Variants in BRD1 observed in about 807,000 individuals in gnomAD.
BRD1 encodes bromodomain-containing protein 1.
Under a neutral mutation model 107.7 loss-of-function variants are expected in BRD1, and 24 were observed. That is an observed-to-expected ratio of 0.22 (90% CI 0.16 to 0.31). The LOEUF (loss-of-function observed/expected upper bound fraction) is 0.31. Among genes scored for constraint, BRD1 ranks in the 10% least tolerant of loss-of-function variants. The probability of loss-of-function intolerance (pLI) is 1.00; values close to 1 mark genes in which losing one functional copy is unlikely to be tolerated. For missense variants in BRD1, 1,279 were observed against 1,638.6 expected, an observed-to-expected ratio of 0.78 and a Z score of 3.79; for synonymous variants, 744 against 686.1, an observed-to-expected ratio of 1.08 and a Z score of -1.32.
intron 2 of BRD1, among the ~76,000 whole-genome samples, chr22:49,809,129 T>C (rs2059801619): frequency 6.9e-6 from 1 of 144,348 alleles, no homozygotes; most frequent in Non-Finnish European, 1.5e-5. Context: ...AGAGGAAAAA[T>C]AAAGAAAAAG....
intron 7 of BRD1, among the ~76,000 whole-genome samples, chr22:49,789,490 T>TCCCCCCCCCCCCCCC (rs377366419): frequency 7.2e-6 from 1 of 139,682 alleles, no homozygotes; most frequent in African/African-American, 2.6e-5. Context: ...CCTCCTAGCC[T>TCCCCCCCCCCCCCCC]CCCCCCCCCG....
intron 2 of BRD1, among the ~76,000 whole-genome samples, chr22:49,819,810 A>G (rs951432240): frequency 2.0e-5 from 3 of 152,128 alleles, no homozygotes; most frequent in Non-Finnish European, 4.4e-5. Context: ...TATCAAACTT[A>G]CAAAAAAACA....
chr22:49,800,647 C>T (rs751384413), intron 3 of BRD1, among the ~76,000 whole-genome samples: 3 of 152,330 alleles, frequency 2.0e-5, no homozygotes, highest in African/African-American at 4.8e-5. Flanking sequence ...CAAACGCCAT[C>T]GGCAGTGGCA....
At chr22:49,799,820 G>T (rs1409788855) in intron 3 of BRD1, among the ~76,000 whole-genome samples, 1 of 152,226 alleles carries the variant, frequency 6.6e-6, no homozygotes, top group Non-Finnish European at 1.5e-5. Context: ...TGACACAGAT[G>T]GTCGCAGGAG....
chr22:49,820,876 G>A (rs529776742), intron 2 of BRD1: 1 of 152,406 alleles, frequency 6.6e-6, no homozygotes, highest in African/African-American at 2.4e-5. Context: ...TCCTCCACTG[G>A]TGGCAAGGTG....
At chr22:49,814,247 G>A (rs576784662) in intron 2 of BRD1, among the ~76,000 whole-genome samples, 2 of 152,358 alleles carry the variant, frequency 1.3e-5, no homozygotes, top group Admixed American at 1.3e-4. Context: ...ACGGGCACAA[G>A]CCCCCGACAA....
chr22:49,820,804 T>G (rs2060051160), intron 2 of BRD1: 2 of 152,130 alleles, frequency 1.3e-5, no homozygotes, highest in African/African-American at 4.8e-5. Flanking sequence ...AGCCTGCCCC[T>G]CACAACCACC....
At chr22:49,795,985 A>G (rs1439941026) in intron 6 of BRD1, among the ~76,000 whole-genome samples, 2 of 152,268 alleles carry the variant, frequency 1.3e-5, no homozygotes. Flanking sequence ...AAGAGCCAGC[A>G]GCACTGTTTG....
Position 49,821,910 on chromosome 22 carries a change from T to C in BRD1, c.1367+1041A>G, listed in dbSNP as rs564909194. Among the ~76,000 whole-genome samples, 4 of 152,368 alleles carry C rather than the reference T, an allele frequency of 2.6e-5. No homozygotes were observed. In the East Asian group the frequency reaches 7.7e-4, roughly 29 times the overall value. On this transcript the variant is annotated intron_variant, in intron 2 of 12. Transcript: ENST00000404760. ...GCCCTGTTGACCGGCAGGCCCCATC[T>C]GTGCTCACAGCTCCTCCCCTTGTTT... is the stretch of plus-strand genomic sequence containing the variant.
intron 1 of BRD1, among the ~76,000 whole-genome samples, chr22:49,825,301 G>A (rs1031866528): frequency 2.0e-5 from 3 of 152,084 alleles, no homozygotes; most frequent in African/African-American, 7.2e-5. Flanking sequence ...GGAACCCCTC[G>A]CTGCTTGCAG....
In BRD1 at chr22:49,823,208, C is replaced by G; in HGVS notation, c.1110G>C (p.Leu370=). 1 of 1,614,232 alleles carries G rather than the reference C, an allele frequency of 6.2e-7. No individual in the cohort carries two copies. The highest frequency in any genetic ancestry group is 8.5e-7 in the Non-Finnish European group (1 of 1,180,038). The part of the protein sequence containing the change: ...LYMKMEPVKE[L]TGGGTTFSVR... ...CGGAGAAGGTGGTGCCACCGCCAGT[C>G]AGTTCCTTCACGGGCTCCATTTTCA... Residue 370 remains leucine, a synonymous_variant, in exon 2 of 13, where the codon CTG becomes CTC. Transcript: ENST00000404760.
chr22:49,775,671 C>T lies in BRD1; in HGVS notation c.3306G>A (p.Val1102=). The T allele has an allele frequency of 6.2e-7, 1 of 1,613,854 alleles. No homozygotes were observed. Among genetic ancestry groups the T allele is most frequent in the Non-Finnish European group, 8.5e-7 (1 of 1,179,872 alleles). The change falls in exon 12 of 13, where the codon GTG becomes GTA. Residue 1102 remains valine, a synonymous_variant. Coordinates refer to ENST00000404760, the MANE Select transcript of BRD1 (RefSeq NM_001304808.3). ...GVTIPAPPLD[V]LKIGEHMQTK... Reference sequence around the variant, plus strand: ...TCTGCATGTGCTCCCCAATCTTCAGCACGTCCAGGGGTGGGGCCGGGATGG... The same window carrying T: ...TCTGCATGTGCTCCCCAATCTTCAGTACGTCCAGGGGTGGGGCCGGGATGG...
chr22:49,784,207 G>A (rs138494838), intron 8 of BRD1, among the ~76,000 whole-genome samples: 37 of 147,928 alleles, frequency 2.5e-4, no homozygotes, highest in Admixed American at 8.1e-4. Context: ...AGGGGTCTCC[G>A]CAACGGCGGT....
At chr22:49,815,166 C>G (rs914430258) in intron 2 of BRD1, among the ~76,000 whole-genome samples, 5 of 152,192 alleles carry the variant, frequency 3.3e-5, no homozygotes, top group Non-Finnish European at 5.9e-5. Flanking sequence ...GCGGTGAGGC[C>G]AGTGAGAAAC....
intron 2 of BRD1, chr22:49,820,787 T>C (rs1188849072): frequency 6.6e-6 from 1 of 152,236 alleles, no homozygotes; most frequent in Non-Finnish European, 1.5e-5. Flanking sequence ...GTCAGTACTG[T>C]ATTGAGAGCC....
At chr22:49,790,674 G>GT (rs958069289) in intron 7 of BRD1, among the ~76,000 whole-genome samples, 50 of 152,210 alleles carry the variant, frequency 3.3e-4, no homozygotes, top group African/African-American at 1.1e-3. Flanking sequence ...AAATCACAGC[G>GT]TAACACAGGC....
chr22:49,774,830 G>A (rs1400865942), intron 12 of BRD1, among the ~76,000 whole-genome samples: 2 of 152,268 alleles, frequency 1.3e-5, no homozygotes, highest in Non-Finnish European at 2.9e-5. Context: ...CAGTGGCCAC[G>A]TGGCCAAAGA....
intron 12 of BRD1, among the ~76,000 whole-genome samples, chr22:49,774,695 G>A (rs2059047292): frequency 6.6e-6 from 1 of 152,242 alleles, no homozygotes; most frequent in Non-Finnish European, 1.5e-5. Flanking sequence ...TTAGTGACAA[G>A]ACATGCACAC....
At chr22:49,811,537 T>C (rs1320050265) in intron 2 of BRD1, among the ~76,000 whole-genome samples, 2 of 152,184 alleles carry the variant, frequency 1.3e-5, no homozygotes, top group Admixed American at 1.3e-4. Context: ...TGCAGGCAGC[T>C]GCACGGCGTG....
Sources: allele counts gnomAD v4.1 joint callset (sites outside exome capture counted in the v4.1 genomes callset), GRCh38; gene constraint gnomAD v4.1.1; transcripts MANE v1.5; gene names NCBI Gene and HGNC (gene_info 2026-07-23, HGNC 2026-07-21).